The following KAT6B variants were observed in gnomAD, a reference collection of about 807,000 sequenced individuals.
The protein encoded by KAT6B is lysine acetyltransferase 6B, also known as histone acetyltransferase KAT6B.
Under a neutral mutation model 187.5 loss-of-function variants are expected in KAT6B, and 10 were observed. That is an observed-to-expected ratio of 0.05 (90% CI 0.03 to 0.09). The LOEUF (loss-of-function observed/expected upper bound fraction) is 0.09, where lower values mean the gene tolerates loss of function less well. Among genes scored for constraint, KAT6B ranks in the 10% least tolerant of loss-of-function variants. The pLI is 1.00. For missense variants in KAT6B, 1,952 were observed against 2,558.9 expected, an observed-to-expected ratio of 0.76 and a Z score of 5.12; for synonymous variants, 861 against 926.8, an observed-to-expected ratio of 0.93 and a Z score of 1.29.
intron 13 of KAT6B, among the ~76,000 whole-genome samples, chr10:75,011,542 A>G (rs1844606432): frequency 6.6e-6 from 1 of 152,244 alleles, no homozygotes; most frequent in South Asian, 2.1e-4. Context: ...CTATTCTTAC[A>G]TCAACATATT....
At chr10:74,903,393 C>T (rs1846536225) in intron 3 of KAT6B, among the ~76,000 whole-genome samples, 1 of 152,170 alleles carries the variant, frequency 6.6e-6, no homozygotes, top group Non-Finnish European at 1.5e-5. Flanking sequence ...CCATATTCTC[C>T]AGCAGGTGGG....
chr10:74,961,206 G>A (rs560225375), intron 4 of KAT6B, among the ~76,000 whole-genome samples: 43 of 152,236 alleles, frequency 2.8e-4, no homozygotes, highest in African/African-American at 8.9e-4. Context: ...TTATCTGTAC[G>A]TTCAGTTTAA....
chr10:74,841,696 G>A (rs1428389002), intron 2 of KAT6B, among the ~76,000 whole-genome samples: 2 of 152,186 alleles, frequency 1.3e-5, no homozygotes, highest in East Asian at 1.9e-4. Context: ...TAAGTGACAA[G>A]TTATATGTGA....
At chr10:74,884,629 C>T (rs893220010) in intron 3 of KAT6B, among the ~76,000 whole-genome samples, 5 of 151,494 alleles carry the variant, frequency 3.3e-5, no homozygotes, top group South Asian at 2.1e-4. Flanking sequence ...AGTGCAGTGG[C>T]GTGATCTGGG....
chr10:74,970,308 C>T (rs1272162191), intron 6 of KAT6B, among the ~76,000 whole-genome samples: 2 of 150,984 alleles, frequency 1.3e-5, no homozygotes, highest in Non-Finnish European at 2.9e-5. Context: ...TATATATATA[C>T]ATATATATAA....
intron 13 of KAT6B, among the ~76,000 whole-genome samples, chr10:75,003,521 A>T (rs1589791101): frequency 6.6e-6 from 1 of 152,186 alleles, no homozygotes; most frequent in Non-Finnish European, 1.5e-5. Flanking sequence ...AAAATACTGG[A>T]CCAGCAGCTA....
intron 3 of KAT6B, among the ~76,000 whole-genome samples, chr10:74,928,039 A>AT (rs1412922828): frequency 6.6e-6 from 1 of 152,224 alleles, no homozygotes; most frequent in East Asian, 1.9e-4. Context: ...CCTCTATTTC[A>AT]TTAAGGGTAA....
At chr10:74,881,606 T>C (rs1844856863) in intron 3 of KAT6B, among the ~76,000 whole-genome samples, 1 of 152,198 alleles carries the variant, frequency 6.6e-6, no homozygotes, top group Admixed American at 6.5e-5. Context: ...AGAATTTTCG[T>C]GTTAAACCCT....
intron 3 of KAT6B, among the ~76,000 whole-genome samples, chr10:74,887,156 G>A (rs1201797448): frequency 6.6e-6 from 1 of 152,044 alleles, no homozygotes; most frequent in Non-Finnish European, 1.5e-5. Flanking sequence ...AATGCCCTGG[G>A]GTTGGTTTCT....
At chr10:74,966,842 A>G (rs1339243061) in intron 4 of KAT6B, among the ~76,000 whole-genome samples, 1 of 152,012 alleles carries the variant, frequency 6.6e-6, no homozygotes, top group Non-Finnish European at 1.5e-5. Context: ...CCTGGCCAAC[A>G]TGGCAAAACC....
At chr10:74,889,221 A>G (rs1310285970) in intron 3 of KAT6B, among the ~76,000 whole-genome samples, 2 of 152,194 alleles carry the variant, frequency 1.3e-5, no homozygotes, top group Non-Finnish European at 2.9e-5. Flanking sequence ...ATTATATTCC[A>G]TTATTGTGTA....
rs1375694225 is a variant in KAT6B, at chr10:75,021,208, C to G, written c.2944C>G (p.Pro982Ala). 6.2e-7 allele frequency: 1 copy of G among 1,613,944 alleles called. No individual in the cohort carries two copies. The highest frequency in any genetic ancestry group is 1.3e-5 in the African/African-American group (1 of 74,904). Reference protein sequence around the residue: ...KTCSRANELDPDSLRWTPILI... With the variant: ...KTCSRANELDADSLRWTPILI... ...CTGTTCCAGAGCCAATGAACTTGAT[C>G]CAGACAGTCTGAGGTGGACCCCAAT... Residue 982 changes from proline to alanine, a missense_variant, in exon 15 of 18, where the codon CCA becomes GCA. By Grantham distance (27) the Pro-to-Ala change is conservative (BLOSUM62 -1). Transcript: ENST00000287239.
In KAT6B at chr10:75,032,407, T is replaced by G; in HGVS notation, c.*1361T>G. ...GGGAAAATAAATTATTTAGTGTAAA[T>G]TGGAGTTATGGGATTTTCTGATTTG... On this transcript the variant is annotated 3_prime_UTR_variant, in exon 18 of 18. Coordinates refer to ENST00000287239, the MANE Select transcript of KAT6B (RefSeq NM_012330.4). The G allele has an allele frequency of 5.2e-6, 1 of 190,716 alleles. No individual in the cohort carries two copies. Among genetic ancestry groups the G allele is most frequent in the East Asian group, 8.3e-5 (1 of 11,990 alleles). The allele number at this position is 190,716 out of a possible 1,614,324, so 11.8% of individuals were successfully genotyped here.
intron 4 of KAT6B, among the ~76,000 whole-genome samples, chr10:74,965,298 C>A (rs1196595809): frequency 6.6e-6 from 1 of 152,206 alleles, no homozygotes; most frequent in Non-Finnish European, 1.5e-5. Context: ...TCTTTTGGGT[C>A]TCTTTTTTAG....
intron 13 of KAT6B, among the ~76,000 whole-genome samples, chr10:75,018,567 C>T (rs1209843390): frequency 3.9e-5 from 6 of 152,216 alleles, no homozygotes; most frequent in Non-Finnish European, 7.3e-5. Flanking sequence ...CTGGCTGCTG[C>T]TGCCTTCCGG....
At chr10:74,939,191 C>CT (rs1849480455) in intron 3 of KAT6B, among the ~76,000 whole-genome samples, 2 of 152,138 alleles carry the variant, frequency 1.3e-5, no homozygotes. Context: ...TTACTACTCT[C>CT]TGCCTGTTTG....
chr10:74,907,592 T>G (rs1310502171), intron 3 of KAT6B, among the ~76,000 whole-genome samples: 2 of 152,146 alleles, frequency 1.3e-5, no homozygotes, highest in Non-Finnish European at 2.9e-5. Context: ...AATGGCATGG[T>G]CTCGGCTCAC....
intron 16 of KAT6B, among the ~76,000 whole-genome samples, chr10:75,023,133 A>G (rs145831418): frequency 6.6e-6 from 1 of 152,378 alleles, no homozygotes; most frequent in East Asian, 1.9e-4. Context: ...AATGGTACAG[A>G]AAGTAAAGAA....
At chr10:75,021,408 T>G in intron 15 of KAT6B, 123 bp downstream of exon 15, 1 of 875,012 alleles carries the variant, frequency 1.1e-6, no homozygotes, top group South Asian at 1.4e-5. Flanking sequence ...TGAAATGATA[T>G]GGCACTAATT....
Sources: allele counts gnomAD v4.1 joint callset (sites outside exome capture counted in the v4.1 genomes callset), GRCh38; gene constraint gnomAD v4.1.1; transcripts MANE v1.5; gene names NCBI Gene and HGNC (gene_info 2026-07-23, HGNC 2026-07-21).